IGHMBP2: variants seen among roughly 807,000 people sequenced by gnomAD.
IGHMBP2 encodes the protein immunoglobulin mu DNA binding protein 2.
Under a neutral mutation model 96.0 loss-of-function variants are expected in IGHMBP2, and 81 were observed. The observed-to-expected ratio is 0.84, with a 90% CI of 0.71 to 1.01. The LOEUF (loss-of-function observed/expected upper bound fraction) is 1.01. IGHMBP2 is among the 50% of genes least tolerant of loss of function. IGHMBP2 has a pLI of 0.00. For synonymous variants in IGHMBP2, 557 were observed against 548.9 expected, an observed-to-expected ratio of 1.01 and a Z score of -0.21; for missense variants, 1,227 against 1,306.3, an observed-to-expected ratio of 0.94 and a Z score of 0.94.
chr11:68,930,459 TA>T lies in IGHMBP2; in HGVS notation c.1235+1103del. The T allele has an allele frequency of 3.1e-6, 4 of 1,285,764 alleles. No homozygotes were observed. In the South Asian group the frequency reaches 5.0e-5, roughly 16 times the overall value. 79.6% of individuals were successfully genotyped at this position (1,285,764 alleles called of 1,614,324 possible). A position where few individuals can be genotyped will look rare whatever the true frequency, so the allele number is the denominator to read the frequency against. On this transcript the variant is annotated intron_variant, in intron 8 of 14. Coordinates refer to ENST00000255078, the MANE Select transcript of IGHMBP2 (RefSeq NM_002180.3). Reference sequence around the variant, plus strand: ...GGTATGTAGAGAGAGGTGTCAAAAATAGTAATTGAGAGTGAGCTTTGGGAGG... The same window carrying T: ...GGTATGTAGAGAGAGGTGTCAAAAATGTAATTGAGAGTGAGCTTTGGGAGG...
chr11:68,904,147 C>T, intron 1 of IGHMBP2, 109 bp downstream of exon 1: 1 of 921,234 alleles, frequency 1.1e-6, no homozygotes, highest in Non-Finnish European at 1.7e-6. Context: ...TCGTCTCCGA[C>T]CCTTCGAGTC....
chr11:68,906,975 C>T (rs954143059), intron 2 of IGHMBP2, among the ~76,000 whole-genome samples: 1 of 150,384 alleles, frequency 6.6e-6, no homozygotes, highest in African/African-American at 2.4e-5. Flanking sequence ...TACTAGAAAA[C>T]TTAAAACTAC....
intron 7 of IGHMBP2, among the ~76,000 whole-genome samples, chr11:68,927,067 G>T (rs1399031026): frequency 6.6e-6 from 1 of 152,160 alleles, no homozygotes; most frequent in Non-Finnish European, 1.5e-5. Context: ...CTGGCCTCAA[G>T]TATCTGTTGA....
Position 68,933,370 on chromosome 11 carries a change from G to A in IGHMBP2, c.1307G>A (p.Arg436Gln), listed in dbSNP as rs752225738. 8.7e-6 allele frequency: 14 copies of A among 1,612,920 alleles called. 1 individual carries two copies. In the South Asian group the frequency reaches 9.9e-5, roughly 11 times the overall value. The change falls in exon 9 of 15, where the codon CGG becomes CAG. Residue 436 changes from arginine (R) to glutamine (Q), a missense_variant. Arg to Gln is a conservative substitution (Grantham distance 43). Coordinates refer to ENST00000255078, the MANE Select transcript of IGHMBP2 (RefSeq NM_002180.3). Reference protein sequence around the residue: ...LAEEYGARVVRTLTVQYRMHQ... With the variant: ...LAEEYGARVVQTLTVQYRMHQ... ...GAGGAGTACGGCGCGAGGGTGGTGCGGACACTGACGGTGCAGTACCGCATG... is the reference window on the plus strand; with the variant it reads ...GAGGAGTACGGCGCGAGGGTGGTGCAGACACTGACGGTGCAGTACCGCATG...
chr11:68,922,404 G>GT (rs979233543), intron 7 of IGHMBP2, among the ~76,000 whole-genome samples: 11 of 150,754 alleles, frequency 7.3e-5, no homozygotes, highest in South Asian at 2.1e-4. Flanking sequence ...TTTGCTTCAT[G>GT]TTTTTTTTTG....
intron 7 of IGHMBP2, among the ~76,000 whole-genome samples, chr11:68,919,569 G>C (rs1371233099): frequency 6.6e-6 from 1 of 152,224 alleles, no homozygotes; most frequent in African/African-American, 2.4e-5. Flanking sequence ...ATGCACACTT[G>C]ATAGAACGTG....
Position 68,914,674 on chromosome 11 carries a change from G to T in IGHMBP2, c.712-149G>T. On this transcript the variant is annotated intron_variant, in intron 5 of 14. Transcript: ENST00000255078. ...ACCGGAAGAATCGGATCACACGTGG[G>T]CTTGGAAAATGAATGCAAGATTTGA... 1.3e-5 allele frequency: 11 copies of T among 845,732 alleles called. No individual in the cohort carries two copies. The South Asian group carries it at 1.5e-4, about 12-fold the overall frequency. The allele number at this position is 845,732 out of a possible 1,614,324, so 52.4% of individuals were successfully genotyped here.
At position 68,933,388 on chromosome 11, in the gene IGHMBP2, A is replaced by T; in HGVS notation, c.1325A>T (p.Tyr442Phe). 1 of 1,612,844 alleles carries T rather than the reference A, an allele frequency of 6.2e-7. No homozygotes were observed. The highest frequency in any genetic ancestry group is 8.5e-7 in the Non-Finnish European group (1 of 1,179,616). The change falls in exon 9 of 15, where the codon TAC becomes TTC. Residue 442 changes from tyrosine (Y) to phenylalanine (F), a missense_variant. Around this residue, in one of 3 missense-constraint regions of IGHMBP2, gnomAD observed 703 missense variants for 770.3 expected, o/e 0.91. Transcript: ENST00000255078. ...GTGGTGCGGACACTGACGGTGCAGTACCGCATGCACCAGGCTATCATGCGC... is the reference window on the plus strand; with the variant it reads ...GTGGTGCGGACACTGACGGTGCAGTTCCGCATGCACCAGGCTATCATGCGC... The part of the protein sequence containing the change: ...ARVVRTLTVQ[Y>F]RMHQAIMRWA...
At chr11:68,911,634 G>A in intron 5 of IGHMBP2, 31 bp downstream of exon 5, 1 of 1,609,764 alleles carries the variant, frequency 6.2e-7, no homozygotes, top group Middle Eastern at 1.8e-4. Context: ...CCCTGTCAGA[G>A]CCCGTCCGCT....
chr11:68,906,055 C>G lies in IGHMBP2; in HGVS notation c.87-14C>G, dbSNP rs375646306. The G allele has an allele frequency of 1.9e-6, 3 of 1,613,402 alleles. No individual in the cohort carries two copies. In the East Asian group the frequency reaches 6.7e-5, roughly 36 times the overall value. ...AGTAAAAATCCTGAAGCATCAATACCGGGTGTCTTCCAGGTCCTGGCAGGA... is the reference window on the plus strand; with the variant it reads ...AGTAAAAATCCTGAAGCATCAATACGGGGTGTCTTCCAGGTCCTGGCAGGA... On this transcript the variant is annotated splice_polypyrimidine_tract_variant and intron_variant, in intron 1 of 14. Transcript: ENST00000255078.
At chr11:68,922,232 C>T (rs766953838) in intron 7 of IGHMBP2, among the ~76,000 whole-genome samples, 5 of 151,688 alleles carry the variant, frequency 3.3e-5, no homozygotes, top group Non-Finnish European at 7.4e-5. Flanking sequence ...GCAGGAGACT[C>T]GCTTGAACCC....
chr11:68,903,967 T>C lies in IGHMBP2; in HGVS notation c.15T>C (p.Ala5=). The C allele has an allele frequency of 6.4e-7, 1 of 1,559,746 alleles. No homozygotes were observed. The highest frequency in any genetic ancestry group is 8.7e-7 in the Non-Finnish European group (1 of 1,152,044). MASA[A]VESFVTKQLD... ...CGGCGGCGGCGATGGCCTCGGCAGCTGTGGAGAGCTTCGTGACCAAGCAAC... is the reference window on the plus strand; with the variant it reads ...CGGCGGCGGCGATGGCCTCGGCAGCCGTGGAGAGCTTCGTGACCAAGCAAC... The change falls in exon 1 of 15, where the codon GCT becomes GCC. Residue 5 remains alanine (A), a synonymous_variant. Transcript: ENST00000255078.
In IGHMBP2 at chr11:68,937,067, G is replaced by T; in HGVS notation, c.2587G>T (p.Glu863Ter). The T allele has an allele frequency of 1.9e-6, 3 of 1,601,046 alleles. No individual in the cohort carries two copies. The highest frequency in any genetic ancestry group is 2.5e-6 in the Non-Finnish European group (3 of 1,179,856). ...QQASGQQKLPEKKKKKAKGHP... is the reference protein window; with the variant it reads ...QQASGQQKLP ...GGCCTCAGGGCAGCAGAAACTTCCA[G>T]AAAAGAAAAAGAAAAAAGCCAAAGG... The change falls in exon 13 of 15, where the codon GAA becomes TAA. Residue 863 changes from glutamate to a stop codon, truncating the protein, a stop_gained. Coordinates refer to ENST00000255078, the MANE Select transcript of IGHMBP2 (RefSeq NM_002180.3). LOFTEE classifies it high-confidence loss of function.
chr11:68,938,174 T>G lies in IGHMBP2; in HGVS notation c.2612-8T>G. On this transcript the variant is annotated splice_polypyrimidine_tract_variant and splice_region_variant and intron_variant, in intron 13 of 14. Coordinates refer to ENST00000255078, the MANE Select transcript of IGHMBP2 (RefSeq NM_002180.3). Reference sequence around the variant, plus strand: ...TCCGTTTGCCTGAGTGACGCGGGTCTTCTCCAGGACATCCGGCCACAGATC... The same window carrying G: ...TCCGTTTGCCTGAGTGACGCGGGTCGTCTCCAGGACATCCGGCCACAGATC... 1.2e-6 allele frequency: 2 copies of G among 1,614,058 alleles called. No homozygotes were observed. Among genetic ancestry groups the G allele is most frequent in the South Asian group, 1.1e-5 (1 of 91,082 alleles).
chr11:68,913,043 C>CAAAAAAAAAAAAAAAAAA lies in IGHMBP2; in HGVS notation c.711+1448_711+1465dup, dbSNP rs71043469. On this transcript the variant is annotated intron_variant, in intron 5 of 14. Transcript: ENST00000255078. ...GGCAATAAGAGCAAAACTCCATCTCCAAAAAAAAAAAAAAAAAAAAAAAAA... is the reference window on the plus strand; with the variant it reads ...GGCAATAAGAGCAAAACTCCATCTCCAAAAAAAAAAAAAAAAAAAAAAAAAAAAAAAAAAAAAAAAAAA... Among the ~76,000 whole-genome samples, 7 of 37,478 alleles carry CAAAAAAAAAAAAAAAAAA rather than the reference C, an allele frequency of 1.9e-4. 1 individual carries two copies. The highest frequency in any genetic ancestry group is 3.2e-4 in the Non-Finnish European group (7 of 22,108). 24.6% of individuals were successfully genotyped at this position (37,478 alleles called of 152,430 possible). A position where few individuals can be genotyped will look rare whatever the true frequency, so the allele number is the denominator to read the frequency against.
chr11:68,931,003 A>G (rs1428807850), intron 8 of IGHMBP2, among the ~76,000 whole-genome samples: 1 of 152,162 alleles, frequency 6.6e-6, no homozygotes, highest in Non-Finnish European at 1.5e-5. Flanking sequence ...ATGGGTGGCC[A>G]TGGGCGGGCC....
In IGHMBP2 at chr11:68,906,164, G is replaced by A. The variant is rs1858185076; in HGVS notation, c.182G>A (p.Gly61Glu). The change falls in exon 2 of 15, where the codon GGA becomes GAA. Residue 61 changes from glycine to glutamate, a missense_variant. By Grantham distance (98) the Gly-to-Glu change is moderately conservative (BLOSUM62 -2). Transcript: ENST00000255078. Reference protein sequence around the residue: ...QVSSQRTGLYGRLLVTFEPRR... With the variant: ...QVSSQRTGLYERLLVTFEPRR... ...TCCAGCCAGCGCACTGGGCTGTACG[G>A]ACGGCTGCTGGTCACCTTTGAGCCC... is the stretch of plus-strand genomic sequence containing the variant. 2 of 1,614,082 alleles carry A rather than the reference G, an allele frequency of 1.2e-6. No individual in the cohort carries two copies. The highest frequency in any genetic ancestry group is 3.3e-5 in the Admixed American group (2 of 60,012).
At chr11:68,937,301 C>T (rs1388823314) in intron 13 of IGHMBP2, among the ~76,000 whole-genome samples, 1 of 152,204 alleles carries the variant, frequency 6.6e-6, no homozygotes, top group Non-Finnish European at 1.5e-5. Context: ...CTTCTTTTCC[C>T]AGACCCTGTG....
In IGHMBP2 at chr11:68,933,356, C is replaced by T. The variant is rs377460631; in HGVS notation, c.1293C>T (p.Gly431=). The T allele has an allele frequency of 2.7e-5, 44 of 1,613,054 alleles. No individual in the cohort carries two copies. In the Middle Eastern group the frequency reaches 4.9e-4, roughly 18 times the overall value. ...TGGAACGCCTGGCTGAGGAGTACGG[C>T]GCGAGGGTGGTGCGGACACTGACGG... is the stretch of plus-strand genomic sequence containing the variant. ...SLMERLAEEY[G]ARVVRTLTVQ... is the part of the protein sequence containing the mutation. The change falls in exon 9 of 15, where the codon GGC becomes GGT. Residue 431 remains glycine, a synonymous_variant. Coordinates refer to ENST00000255078, the MANE Select transcript of IGHMBP2 (RefSeq NM_002180.3).
Sources: gnomAD v4.1 joint callset for allele counts (sites outside exome capture counted in the v4.1 genomes callset) on GRCh38, gnomAD v4.1.1 for gene constraint, gnomAD v4.1.1 regional missense constraint, MANE v1.5 for transcripts, NCBI Gene and HGNC (gene_info 2026-07-23, HGNC 2026-07-21) for gene names.